Variants in LTBP2 observed in about 807,000 individuals in gnomAD.
The protein encoded by LTBP2 is latent transforming growth factor beta binding protein 2, also known as latent-transforming growth factor beta-binding protein 2.
Under a neutral mutation model 210.6 loss-of-function variants are expected in LTBP2, and 103 were observed. That is an observed-to-expected ratio of 0.49 (90% CI 0.42 to 0.58). LTBP2 has a LOEUF of 0.58. LTBP2 is among the 20% of genes least tolerant of loss of function. LTBP2 has a pLI of 0.00. For synonymous variants in LTBP2, 1,007 were observed against 1,015.0 expected (o/e 0.99, Z 0.15); for missense variants, 2,313 against 2,494.5 (o/e 0.93, Z 1.55).
intron 35 of LTBP2, 55 bp from the exon 36 acceptor site, chr14:74,501,084 C>T: frequency 6.4e-7 from 1 of 1,574,196 alleles, no homozygotes; most frequent in Non-Finnish European, 8.7e-7. Flanking sequence ...CTGCTGGCTG[C>T]CTCCACCTCT....
intron 8 of LTBP2, among the ~76,000 whole-genome samples, chr14:74,540,669 G>A (rs1225922044): frequency 6.8e-6 from 1 of 146,666 alleles, no homozygotes; most frequent in African/African-American, 2.5e-5. Context: ...GGAGGCTGAG[G>A]CAGGAGAATG....
chr14:74,553,116 C>T, intron 4 of LTBP2, 54 bp from the exon 5 acceptor site: 1 of 1,568,684 alleles, frequency 6.4e-7, no homozygotes, highest in East Asian at 2.3e-5. Flanking sequence ...ACAGCTGTGA[C>T]CTCCAGAGTC....
chr14:74,586,181 C>T lies in LTBP2; in HGVS notation c.566-63G>A, dbSNP rs1307776810. ...AGGGCACTGAGACCACAGCTGCCCA[C>T]ACCTTCCTGTCAGAAGGGCCCTCCT... On this transcript the variant is annotated intron_variant, in intron 2 of 35. Transcript: ENST00000261978. The surrounding 1 kb of genome is among the most constrained non-coding windows in gnomAD (Gnocchi z 4.6). 1.3e-6 allele frequency: 2 copies of T among 1,526,946 alleles called. No homozygotes were observed. The highest frequency in any genetic ancestry group is 1.8e-6 in the Non-Finnish European group (2 of 1,130,018). The allele number at this position is 1,526,946 out of a possible 1,614,324, so 94.6% of individuals were successfully genotyped here.
chr14:74,540,783 T>A (rs10136743), intron 8 of LTBP2, among the ~76,000 whole-genome samples: 14 of 23,912 alleles, frequency 5.9e-4, no homozygotes, highest in Non-Finnish European at 3.4e-3. Context: ...TATATATATA[T>A]TATATATATA....
At chr14:74,501,168 C>T (rs1448572491) in intron 35 of LTBP2, 139 bp from the exon 36 acceptor site, 26 of 1,140,630 alleles carry the variant, frequency 2.3e-5, no homozygotes, top group Non-Finnish European at 3.2e-5. Flanking sequence ...AGTCACTTCC[C>T]AAAACCAAGC....
At chr14:74,546,766 C>T (rs2087582317) in intron 8 of LTBP2, among the ~76,000 whole-genome samples, 1 of 152,244 alleles carries the variant, frequency 6.6e-6, no homozygotes, top group Admixed American at 6.5e-5. Context: ...CTGAACCGAG[C>T]TCACCAGCTG....
At position 74,502,887 on chromosome 14, in the gene LTBP2, C is replaced by G. The variant is rs1043748636; in HGVS notation, c.4936G>C (p.Glu1646Gln). 2.5e-6 allele frequency: 4 copies of G among 1,613,196 alleles called. No homozygotes were observed. The highest frequency in any genetic ancestry group is 3.4e-6 in the Non-Finnish European group (4 of 1,180,020). The change falls in exon 34 of 36, where the codon GAG becomes CAG. Residue 1646 changes from glutamate to glutamine, a missense_variant. Physicochemically the swap from Glu to Gln is conservative, Grantham distance 29 (BLOSUM62 2). Transcript: ENST00000261978. ...CCTGGCCGGAAGTGGACCCCGGCCTCCCGCTCTGCCTCAATGCGAGCCACG... is the reference window on the plus strand; with the variant it reads ...CCTGGCCGGAAGTGGACCCCGGCCTGCCGCTCTGCCTCAATGCGAGCCACG... Reference protein sequence around the residue: ...CNVARIEAEREAGVHFRPGYE... With the variant: ...CNVARIEAERQAGVHFRPGYE...
At chr14:74,559,986 C>T (rs963382613) in intron 3 of LTBP2, 1 of 152,128 alleles carries the variant, frequency 6.6e-6, no homozygotes, top group Non-Finnish European at 1.5e-5. Context: ...CCAAACTCAC[C>T]CAGCACAAGA....
At chr14:74,518,936 CAT>C (rs1225908705) in intron 17 of LTBP2, among the ~76,000 whole-genome samples, 1 of 152,190 alleles carries the variant, frequency 6.6e-6, no homozygotes, top group Non-Finnish European at 1.5e-5. Flanking sequence ...ATGAAGAACT[CAT>C]TATCCCCTGA....
intron 30 of LTBP2, 110 bp downstream of exon 30, chr14:74,504,668 C>T (rs993387631): frequency 1.4e-5 from 14 of 1,035,484 alleles, no homozygotes; most frequent in Non-Finnish European, 2.0e-5. Flanking sequence ...AAGGTGGAGG[C>T]AACCTGCGAG....
At chr14:74,579,466 C>CTTT (rs1240373081) in intron 3 of LTBP2, among the ~76,000 whole-genome samples, 1 of 152,208 alleles carries the variant, frequency 6.6e-6, no homozygotes, top group Admixed American at 6.5e-5. Flanking sequence ...AAGGTCATGC[C>CTTT]AATCACTCTC....
At chr14:74,522,652 C>T in intron 16 of LTBP2, 138 bp downstream of exon 16, 1 of 1,037,780 alleles carries the variant, frequency 9.6e-7, no homozygotes, top group Non-Finnish European at 1.4e-6. Context: ...TCCACAGGGA[C>T]TGTGCTCCTC....
At chr14:74,600,684 A>G (rs2088434850) in intron 2 of LTBP2, among the ~76,000 whole-genome samples, 1 of 151,932 alleles carries the variant, frequency 6.6e-6, no homozygotes, top group Non-Finnish European at 1.5e-5. Flanking sequence ...TTCAGCTCAA[A>G]CCTCAGCAAC....
chr14:74,597,568 C>T (rs1207425290), intron 2 of LTBP2, among the ~76,000 whole-genome samples: 5 of 152,334 alleles, frequency 3.3e-5, no homozygotes, highest in Middle Eastern at 3.4e-3. Context: ...CAGCAGGACA[C>T]AGCACCTGGC....
intron 1 of LTBP2, 115 bp downstream of exon 1, chr14:74,611,336 A>G (rs1049167229): frequency 4.0e-6 from 5 of 1,238,276 alleles, no homozygotes; most frequent in Non-Finnish European, 5.3e-6. Context: ...CGAAGTACTA[A>G]AGACAGAGGG....
chr14:74,543,529 C>CCTT (rs2087538695), intron 8 of LTBP2, among the ~76,000 whole-genome samples: 1 of 151,262 alleles, frequency 6.6e-6, no homozygotes, highest in African/African-American at 2.4e-5. Context: ...TGCCTGCCTT[C>CCTT]CCTCCCTTTT....
At chr14:74,519,923 T>C (rs991413374) in intron 17 of LTBP2, among the ~76,000 whole-genome samples, 1 of 152,088 alleles carries the variant, frequency 6.6e-6, no homozygotes, top group Non-Finnish European at 1.5e-5. Flanking sequence ...TCCCTCAGCC[T>C]CTCTCCTGGC....
intron 2 of LTBP2, among the ~76,000 whole-genome samples, chr14:74,595,132 C>A (rs567334536): frequency 6.6e-6 from 1 of 152,270 alleles, no homozygotes; most frequent in South Asian, 2.1e-4. Context: ...ACCAAGCGGG[C>A]CTCTACCGTT....
chr14:74,539,748 C>A (rs960291735), intron 8 of LTBP2, among the ~76,000 whole-genome samples: 1 of 151,898 alleles, frequency 6.6e-6, no homozygotes. Flanking sequence ...GAGGCCCCTG[C>A]TTCTTTAGTG....
Sources: gnomAD v4.1 joint callset for allele counts (sites outside exome capture counted in the v4.1 genomes callset) on GRCh38, gnomAD v4.1.1 for gene constraint, Gnocchi (gnomAD v3.1) non-coding constraint, MANE v1.5 for transcripts, NCBI Gene and HGNC (gene_info 2026-07-23, HGNC 2026-07-21) for gene names.